SH3RF3: variants seen among roughly 807,000 people sequenced by gnomAD.
The protein encoded by SH3RF3 is E3 ubiquitin-protein ligase SH3RF3.
Under a neutral mutation model 66.3 loss-of-function variants are expected in SH3RF3, and 29 were observed. The ratio of observed to expected loss-of-function variants is 0.44; its 90% CI spans 0.33 to 0.60. The LOEUF (loss-of-function observed/expected upper bound fraction) is 0.60. Ranked by LOEUF, SH3RF3 falls within the 20% of genes least tolerant of loss-of-function variation. The pLI, the probability that SH3RF3 is intolerant of heterozygous loss-of-function variation, is 0.04. For synonymous variants in SH3RF3, 583 were observed against 532.0 expected (o/e 1.10, Z -1.32); for missense variants, 1,194 against 1,190.9 (o/e 1.00, Z -0.04).
chr2:109,387,624 G>A (rs1188175527), intron 3 of SH3RF3, among the ~76,000 whole-genome samples: 1 of 152,118 alleles, frequency 6.6e-6, no homozygotes, highest in Non-Finnish European at 1.5e-5. Flanking sequence ...GCCCATCTGG[G>A]CCCCCTATTT....
intron 1 of SH3RF3, among the ~76,000 whole-genome samples, chr2:109,187,167 G>A (rs1448901301): frequency 6.6e-6 from 1 of 152,168 alleles, no homozygotes; most frequent in Non-Finnish European, 1.5e-5. Context: ...TGACCACTTC[G>A]TCGTCATTAC....
At chr2:109,321,398 A>G (rs1182309603) in intron 1 of SH3RF3, among the ~76,000 whole-genome samples, 4 of 152,254 alleles carry the variant, frequency 2.6e-5, no homozygotes, top group Admixed American at 2.6e-4. Flanking sequence ...GAGCATTTGA[A>G]GTGGAAATTA....
chr2:109,162,456 C>T (rs893420387), intron 1 of SH3RF3, among the ~76,000 whole-genome samples: 3 of 152,188 alleles, frequency 2.0e-5, no homozygotes, highest in African/African-American at 7.2e-5. Flanking sequence ...GGTACATGTG[C>T]ACAACGTGCA....
At chr2:109,208,052 A>G (rs1182487987) in intron 1 of SH3RF3, among the ~76,000 whole-genome samples, 2 of 152,214 alleles carry the variant, frequency 1.3e-5, no homozygotes, top group East Asian at 3.9e-4. Flanking sequence ...AAATTCAACA[A>G]TTCTGCAAAT....
At chr2:109,180,439 G>A (rs956457445) in intron 1 of SH3RF3, among the ~76,000 whole-genome samples, 3 of 152,166 alleles carry the variant, frequency 2.0e-5, no homozygotes, top group African/African-American at 7.2e-5. Context: ...CTCCTCAGGG[G>A]TCAGGTGACT....
At chr2:109,362,668 G>A (rs146753828) in intron 2 of SH3RF3, among the ~76,000 whole-genome samples, 2,539 of 152,138 alleles carry the variant, frequency 0.017, 34 homozygotes, top group Middle Eastern at 0.044. Context: ...TCTGATTCAG[G>A]GGTGTTAAAG....
At chr2:109,296,137 C>A (rs1035011252) in intron 1 of SH3RF3, among the ~76,000 whole-genome samples, 4 of 152,112 alleles carry the variant, frequency 2.6e-5, no homozygotes, top group African/African-American at 9.7e-5. Flanking sequence ...CTGTGCGCAG[C>A]CCCCAACCCC....
intron 1 of SH3RF3, among the ~76,000 whole-genome samples, chr2:109,335,087 A>C (rs2105504143): frequency 6.6e-6 from 1 of 152,300 alleles, no homozygotes; most frequent in Admixed American, 6.5e-5. Context: ...TGGTGGTCAT[A>C]CCACTCCCTG....
chr2:109,173,688 C>G (rs573445982), intron 1 of SH3RF3, among the ~76,000 whole-genome samples: 1 of 152,256 alleles, frequency 6.6e-6, no homozygotes, highest in East Asian at 1.9e-4. Context: ...ACGGCAAAGA[C>G]AGTGAATGTA....
intron 1 of SH3RF3, among the ~76,000 whole-genome samples, chr2:109,312,713 C>G (rs1030543936): frequency 6.6e-6 from 1 of 152,234 alleles, no homozygotes; most frequent in Non-Finnish European, 1.5e-5. Context: ...CCATTCCCCT[C>G]TATAGCTGAA....
chr2:109,351,184 G>A (rs1682830209), intron 2 of SH3RF3, among the ~76,000 whole-genome samples: 1 of 152,210 alleles, frequency 6.6e-6, no homozygotes, highest in Non-Finnish European at 1.5e-5. Flanking sequence ...AAGAGCTGTG[G>A]GCCCAGCTCT....
intron 1 of SH3RF3, among the ~76,000 whole-genome samples, chr2:109,206,212 C>T (rs567787923): frequency 9.2e-5 from 14 of 152,136 alleles, no homozygotes; most frequent in East Asian, 1.9e-4. Context: ...GAGGCTGGGC[C>T]GGGCACGGTG....
intron 2 of SH3RF3, among the ~76,000 whole-genome samples, chr2:109,369,174 C>T (rs1014403070): frequency 4.0e-5 from 6 of 150,358 alleles, no homozygotes; most frequent in African/African-American, 1.5e-4. Context: ...GAAACCCCGT[C>T]TCTTCTTAAA....
chr2:109,410,886 T>C (rs1416157538), intron 4 of SH3RF3, among the ~76,000 whole-genome samples: 1 of 152,184 alleles, frequency 6.6e-6, no homozygotes, highest in Non-Finnish European at 1.5e-5. Flanking sequence ...AGGATGAACA[T>C]CTGTCTGAGG....
At chr2:109,278,744 G>T (rs1318693598) in intron 1 of SH3RF3, among the ~76,000 whole-genome samples, 7 of 152,166 alleles carry the variant, frequency 4.6e-5, no homozygotes. Context: ...AGTCCCTAGG[G>T]ATGCAAGCCC....
chr2:109,330,564 T>C (rs1473109975), intron 1 of SH3RF3, among the ~76,000 whole-genome samples: 1 of 152,144 alleles, frequency 6.6e-6, no homozygotes, highest in East Asian at 1.9e-4. Flanking sequence ...ACAGACAAGA[T>C]AGTCACTGTT....
chr2:109,432,370 G>C, intron 5 of SH3RF3, 131 bp from the exon 6 acceptor site: 1 of 1,163,626 alleles, frequency 8.6e-7, no homozygotes, highest in Non-Finnish European at 1.2e-6. Flanking sequence ...GTAAACTGCA[G>C]AGCCCCCATA....
intron 1 of SH3RF3, among the ~76,000 whole-genome samples, chr2:109,291,382 G>A (rs1426221453): frequency 2.0e-5 from 3 of 151,176 alleles, no homozygotes; most frequent in African/African-American, 7.3e-5. Context: ...AGGCCCATCT[G>A]CCCAAACAGT....
intron 1 of SH3RF3, among the ~76,000 whole-genome samples, chr2:109,286,294 T>A (rs2105354303): frequency 6.6e-6 from 1 of 152,306 alleles, no homozygotes; most frequent in South Asian, 2.1e-4. Context: ...AAAAGTGTGG[T>A]CAAGGGATGT....
Sources: gnomAD v4.1 joint callset for allele counts (sites outside exome capture counted in the v4.1 genomes callset) on GRCh38, gnomAD v4.1.1 for gene constraint, MANE v1.5 for transcripts, NCBI Gene and HGNC (gene_info 2026-07-23, HGNC 2026-07-21) for gene names.